The following SCAMP1 variants were observed in gnomAD, a reference collection of about 807,000 sequenced individuals.
SCAMP1 encodes secretory carrier-associated membrane protein 1.
Under a neutral mutation model 41.8 loss-of-function variants are expected in SCAMP1, and 15 were observed. That is an observed-to-expected ratio of 0.36 (90% CI 0.24 to 0.55). The LOEUF (loss-of-function observed/expected upper bound fraction) is 0.55. Among genes scored for constraint, SCAMP1 ranks in the 20% least tolerant of loss-of-function variants. SCAMP1 has a pLI of 0.86. For synonymous variants in SCAMP1, 135 were observed against 136.8 expected (o/e 0.99, Z 0.09); for missense variants, 341 against 412.6 (o/e 0.83, Z 1.50).
At chr5:78,376,677 T>C (rs1045989691) in intron 1 of SCAMP1, among the ~76,000 whole-genome samples, 2 of 152,136 alleles carry the variant, frequency 1.3e-5, no homozygotes, top group Non-Finnish European at 1.5e-5. Context: ...CATGAAAAGG[T>C]TTGTATTTTG....
At chr5:78,420,687 C>CA (rs1404286294) in intron 5 of SCAMP1, among the ~76,000 whole-genome samples, 1 of 150,488 alleles carries the variant, frequency 6.6e-6, no homozygotes, top group African/African-American at 2.4e-5. Flanking sequence ...ACCTAAGTGA[C>CA]TTCATCTGGA....
At chr5:78,382,811 G>GTGTGTGTGTT (rs1189365616) in intron 1 of SCAMP1, among the ~76,000 whole-genome samples, 978 of 69,260 alleles carry the variant, frequency 0.014, 17 homozygotes, top group African/African-American at 0.037. Context: ...GTGTGTGTGT[G>GTGTGTGTGTT]TGTGTGTGCG....
At chr5:78,405,266 G>C (rs960129014) in intron 2 of SCAMP1, among the ~76,000 whole-genome samples, 1 of 152,148 alleles carries the variant, frequency 6.6e-6, no homozygotes, top group Non-Finnish European at 1.5e-5. Flanking sequence ...TAAAAACCAT[G>C]AGTCTTTAAA....
intron 6 of SCAMP1, 44 bp from the exon 7 acceptor site, chr5:78,449,889 C>G (rs191258861): frequency 9.5e-7 from 1 of 1,056,530 alleles, no homozygotes; most frequent in African/African-American, 1.7e-5. Context: ...TTCTTTCTCT[C>G]CCCCTAACCC....
intron 1 of SCAMP1, among the ~76,000 whole-genome samples, chr5:78,383,296 A>G (rs1232268656): frequency 6.6e-6 from 1 of 151,514 alleles, no homozygotes; most frequent in Non-Finnish European, 1.5e-5. Flanking sequence ...TGTTTTTTTC[A>G]TGCTGATTTG....
intron 1 of SCAMP1, among the ~76,000 whole-genome samples, chr5:78,366,343 TA>T (rs1750796030): frequency 6.6e-6 from 1 of 151,992 alleles, no homozygotes; most frequent in Admixed American, 6.6e-5. Flanking sequence ...GGAGTTTCAC[TA>T]TGTTGGCCAG....
chr5:78,458,764 C>T (rs1753502473), intron 7 of SCAMP1, among the ~76,000 whole-genome samples: 5 of 152,112 alleles, frequency 3.3e-5, no homozygotes, highest in Admixed American at 3.3e-4. Context: ...CCTGTAATCC[C>T]AGCTACTCAG....
intron 2 of SCAMP1, among the ~76,000 whole-genome samples, chr5:78,413,669 T>A (rs1278009734): frequency 6.6e-6 from 1 of 152,174 alleles, no homozygotes; most frequent in Non-Finnish European, 1.5e-5. Flanking sequence ...CTGCCCACCT[T>A]GGCCTCCCAA....
intron 8 of SCAMP1, among the ~76,000 whole-genome samples, chr5:78,465,800 G>A (rs148788334): frequency 7.9e-5 from 12 of 152,184 alleles, no homozygotes; most frequent in Non-Finnish European, 1.6e-4. Context: ...GGGCAGGCCG[G>A]AACTCTCAGG....
chr5:78,431,568 G>T (rs1752624594), intron 6 of SCAMP1, among the ~76,000 whole-genome samples: 3 of 101,020 alleles, frequency 3.0e-5, no homozygotes, highest in Non-Finnish European at 3.8e-5. Flanking sequence ...TTGAGTATCT[G>T]TTAATGACTG....
rs529051112 is a variant in SCAMP1, at chr5:78,476,908, T to C, written c.*1240T>C. The C allele has an allele frequency of 2.6e-5, 4 of 152,288 alleles. No homozygotes were observed. The East Asian group carries it at 7.7e-4, about 29-fold the overall frequency. 9.4% of individuals were successfully genotyped at this position (152,288 alleles called of 1,614,324 possible). A position where few individuals can be genotyped will look rare whatever the true frequency, so the allele number is the denominator to read the frequency against. On this transcript the variant is annotated 3_prime_UTR_variant, in exon 9 of 9. Coordinates refer to ENST00000621999, the MANE Select transcript of SCAMP1 (RefSeq NM_004866.6). ...TGTTACTATGCAGCACAGAACTTCATTCTTATAGTATTCTTGGGTTCAACC... is the reference window on the plus strand; with the variant it reads ...TGTTACTATGCAGCACAGAACTTCACTCTTATAGTATTCTTGGGTTCAACC...
intron 1 of SCAMP1, 145 bp from the exon 2 acceptor site, chr5:78,388,692 A>T (rs182484348): frequency 1.2e-5 from 6 of 492,484 alleles, no homozygotes. Flanking sequence ...GAAATGAGAC[A>T]GTAAATCTGA....
At chr5:78,438,474 C>T (rs187859849) in intron 6 of SCAMP1, among the ~76,000 whole-genome samples, 3 of 152,242 alleles carry the variant, frequency 2.0e-5, no homozygotes, top group African/African-American at 7.2e-5. Flanking sequence ...GTTTTTTACC[C>T]CATAGTCATT....
intron 1 of SCAMP1, among the ~76,000 whole-genome samples, chr5:78,387,362 C>CTT (rs141037666): frequency 0.012 from 1,582 of 135,520 alleles, 28 homozygotes; most frequent in African/African-American, 0.038. Flanking sequence ...TATCCTGTAT[C>CTT]TTTTTTTTTT....
At chr5:78,470,890 G>A (rs528168452) in intron 8 of SCAMP1, among the ~76,000 whole-genome samples, 1 of 152,180 alleles carries the variant, frequency 6.6e-6, no homozygotes, top group South Asian at 2.1e-4. Flanking sequence ...AACCTCTGAG[G>A]TGACTGCAAA....
Position 78,475,738 on chromosome 5 carries a change from T to A in SCAMP1, c.*70T>A. 2 of 1,256,166 alleles carry A rather than the reference T, an allele frequency of 1.6e-6. No individual in the cohort carries two copies. The highest frequency in any genetic ancestry group is 3.3e-5 in the Admixed American group (1 of 30,402). The allele number at this position is 1,256,166 out of a possible 1,614,324, so 77.8% of individuals were successfully genotyped here. On this transcript the variant is annotated 3_prime_UTR_variant, in exon 9 of 9. Coordinates refer to ENST00000621999, the MANE Select transcript of SCAMP1 (RefSeq NM_004866.6). ...CTCCAGTTACTGTATTCTACAAATA[T>A]TTTTATGTTCAAAACACACAGTACA...
intron 8 of SCAMP1, among the ~76,000 whole-genome samples, chr5:78,463,343 T>C (rs1310724629): frequency 6.6e-6 from 1 of 152,246 alleles, no homozygotes; most frequent in Non-Finnish European, 1.5e-5. Flanking sequence ...TAAATTAAGG[T>C]CTTAAATGTA....
At chr5:78,364,441 G>C (rs1162982967) in intron 1 of SCAMP1, among the ~76,000 whole-genome samples, 1 of 151,972 alleles carries the variant, frequency 6.6e-6, no homozygotes, top group African/African-American at 2.4e-5. Flanking sequence ...CAGCTGGGGG[G>C]GCAAATTCTT....
chr5:78,450,055 G>A (rs770774077), intron 7 of SCAMP1, 21 bp downstream of exon 7: 1 of 1,277,948 alleles, frequency 7.8e-7, no homozygotes, highest in Non-Finnish European at 1.1e-6. Context: ...TTTTTTACTA[G>A]TTTTCAGCTT....
Sources: allele counts gnomAD v4.1 joint callset (sites outside exome capture counted in the v4.1 genomes callset), GRCh38; gene constraint gnomAD v4.1.1; transcripts MANE v1.5; gene names NCBI Gene and HGNC (gene_info 2026-07-23, HGNC 2026-07-21).